Variants in MED13 observed in about 807,000 individuals in gnomAD.
The protein encoded by MED13 is mediator of RNA polymerase II transcription subunit 13.
In MED13, 23 loss-of-function variants were observed where a neutral mutation model predicts 225.2. The observed-to-expected ratio is 0.10, with a 90% CI of 0.07 to 0.14. The LOEUF (loss-of-function observed/expected upper bound fraction) is 0.14, where lower values mean the gene tolerates loss of function less well. Among genes scored for constraint, MED13 ranks in the 10% least tolerant of loss-of-function variants. MED13 has a pLI of 1.00. For missense variants in MED13, 2,197 were observed against 2,594.5 expected (o/e 0.85, Z 3.33); for synonymous variants, 942 against 889.2 (o/e 1.06, Z -1.06).
chr17:61,968,943 G>A (rs2080082961), intron 17 of MED13, among the ~76,000 whole-genome samples: 1 of 151,834 alleles, frequency 6.6e-6, no homozygotes, highest in South Asian at 2.1e-4. Context: ...GTAGAGATGG[G>A]ATCTTGCTGT....
intron 8 of MED13, among the ~76,000 whole-genome samples, chr17:62,024,072 C>T (rs1446434681): frequency 6.6e-6 from 1 of 151,550 alleles, no homozygotes; most frequent in Non-Finnish European, 1.5e-5. Context: ...CACCAAAGTG[C>T]AGTAACGCCA....
rs1443018498 is a variant in MED13, at chr17:62,019,719, A to G, written c.1284-8486T>C. ...CCTCTTTCTAAAAGCTAGTTTCTTTAGAGAGTACAATTGAATTTCTTTTTT... is the reference window on the plus strand; with the variant it reads ...CCTCTTTCTAAAAGCTAGTTTCTTTGGAGAGTACAATTGAATTTCTTTTTT... On this transcript the variant is annotated intron_variant, in intron 8 of 29. Transcript: ENST00000397786. Among the ~76,000 whole-genome samples the G allele has an allele frequency of 2.6e-5, 4 of 152,068 alleles. No individual in the cohort carries two copies. In the East Asian group the frequency reaches 7.7e-4, roughly 29 times the overall value.
chr17:61,959,822 G>A (rs895390366), intron 23 of MED13, among the ~76,000 whole-genome samples: 1 of 149,696 alleles, frequency 6.7e-6, no homozygotes, highest in Non-Finnish European at 1.5e-5. Flanking sequence ...TCGACTTCCT[G>A]GGCTCAAGTG....
At chr17:62,015,908 CT>C (rs2080563387) in intron 8 of MED13, among the ~76,000 whole-genome samples, 1 of 35,806 alleles carries the variant, frequency 2.8e-5, no homozygotes, top group African/African-American at 9.4e-5. Context: ...CACATACACA[CT>C]ATACACATAT....
intron 9 of MED13, among the ~76,000 whole-genome samples, chr17:62,008,772 G>A (rs1254663973): frequency 6.6e-6 from 1 of 151,736 alleles, no homozygotes; most frequent in Non-Finnish European, 1.5e-5. Flanking sequence ...AAAAAATTGT[G>A]GTATTAACTT....
chr17:62,058,520 CAAAAAAAAAA>C (rs751957495), intron 2 of MED13, among the ~76,000 whole-genome samples: 8 of 53,456 alleles, frequency 1.5e-4, no homozygotes, highest in East Asian at 3.8e-4. Flanking sequence ...GACTTCATCT[CAAAAAAAAAA>C]AAAAAAAAAA....
chr17:62,007,885 G>C (rs535220905), intron 9 of MED13, among the ~76,000 whole-genome samples: 286 of 151,758 alleles, frequency 1.9e-3, no homozygotes, highest in Non-Finnish European at 3.6e-3. Flanking sequence ...AGAGTGTGCT[G>C]GTGCGCACCT....
At chr17:61,984,920 T>G in intron 13 of MED13, 55 bp from the exon 14 acceptor site, 1 of 1,595,638 alleles carries the variant, frequency 6.3e-7, no homozygotes, top group Non-Finnish European at 8.6e-7. Context: ...CGAATCTGTG[T>G]TTAAACCAAA....
chr17:61,947,121 T>C, intron 28 of MED13, 104 bp from the exon 29 acceptor site: 1 of 752,460 alleles, frequency 1.3e-6, no homozygotes. Flanking sequence ...ATGAAATACA[T>C]TTTAGTCCTA....
intron 27 of MED13, 80 bp downstream of exon 27, chr17:61,952,885 T>C: frequency 6.8e-7 from 1 of 1,479,466 alleles, no homozygotes; most frequent in Admixed American, 2.0e-5. Context: ...TCCACCTGCT[T>C]CGCCCTCCCA....
At chr17:62,060,241 T>TATC (rs2081027720) in intron 2 of MED13, among the ~76,000 whole-genome samples, 5 of 151,684 alleles carry the variant, frequency 3.3e-5, no homozygotes, top group Non-Finnish European at 7.4e-5. Context: ...TGCAGTGAGC[T>TATC]GAGATTGCGC....
chr17:61,992,468 C>T (rs1054948493), intron 11 of MED13, 72 bp downstream of exon 11: 143 of 893,630 alleles, frequency 1.6e-4, no homozygotes, highest in Admixed American at 4.0e-5. Flanking sequence ...CATTAGAAGT[C>T]CAACAATATC....
intron 16 of MED13, among the ~76,000 whole-genome samples, chr17:61,976,624 T>C (rs919728597): frequency 1.3e-5 from 2 of 152,188 alleles, no homozygotes; most frequent in Non-Finnish European, 2.9e-5. Context: ...ACAAAATTAA[T>C]GTTGTCATTA....
intron 19 of MED13, among the ~76,000 whole-genome samples, chr17:61,965,967 G>C (rs1204083058): frequency 6.6e-6 from 1 of 151,682 alleles, no homozygotes; most frequent in Non-Finnish European, 1.5e-5. Flanking sequence ...TTATTTTCAA[G>C]AGTATTTATA....
At chr17:61,984,513 A>G in intron 14 of MED13, 138 bp downstream of exon 14, 1 of 939,778 alleles carries the variant, frequency 1.1e-6, no homozygotes. Flanking sequence ...TGCATTCTTA[A>G]TAGTGACAAC....
chr17:62,011,060 A>C lies in MED13; in HGVS notation c.1457T>G (p.Val486Gly). 2 of 1,614,222 alleles carry C rather than the reference A, an allele frequency of 1.2e-6. No homozygotes were observed. Among genetic ancestry groups the C allele is most frequent in the African/African-American group, 2.7e-5 (2 of 75,066 alleles). Reference sequence around the variant, plus strand: ...GCTGGCTGAATCTGCGTCCATGCCAACATCATCACTAACAGACACACGATG... The same window carrying C: ...GCTGGCTGAATCTGCGTCCATGCCACCATCATCACTAACAGACACACGATG... ...FHHRVSVSDD[V>G]GMDADSASQR... The change falls in exon 9 of 30, where the codon GTT (valine) becomes GGT (glycine). Residue 486 changes from valine (V) to glycine (G), a missense_variant. Coordinates refer to ENST00000397786, the MANE Select transcript of MED13 (RefSeq NM_005121.3).
chr17:62,062,160 C>T (rs1354197648), intron 2 of MED13, among the ~76,000 whole-genome samples: 1 of 152,058 alleles, frequency 6.6e-6, no homozygotes, highest in Non-Finnish European at 1.5e-5. Context: ...TCTAGAAATC[C>T]TAAGTTTATC....
intron 28 of MED13, among the ~76,000 whole-genome samples, chr17:61,949,513 C>T (rs1036493670): frequency 3.3e-5 from 5 of 152,106 alleles, no homozygotes; most frequent in African/African-American, 4.8e-5. Flanking sequence ...AGGGGTGAAT[C>T]GCTGTGCCCA....
chr17:61,956,115 CAG>C (rs2079941809), intron 24 of MED13, among the ~76,000 whole-genome samples: 1 of 151,934 alleles, frequency 6.6e-6, no homozygotes, highest in Non-Finnish European at 1.5e-5. Flanking sequence ...GTGGAAAAAA[CAG>C]AAAACAATTA....
Sources: allele counts gnomAD v4.1 joint callset (sites outside exome capture counted in the v4.1 genomes callset), GRCh38; gene constraint gnomAD v4.1.1; transcripts MANE v1.5; gene names NCBI Gene and HGNC (gene_info 2026-07-23, HGNC 2026-07-21).